The following SPSB4 variants were observed in gnomAD, a reference collection of about 807,000 sequenced individuals.
The protein encoded by SPSB4 is SPRY domain-containing SOCS box protein 4.
SPSB4 carries 21 observed loss-of-function variants against 20.9 expected under a neutral mutation model. The observed-to-expected ratio is 1.01, with a 90% CI of 0.71 to 1.45. The LOEUF (loss-of-function observed/expected upper bound fraction) is 1.45, where lower values mean the gene tolerates loss of function less well. SPSB4 is among the 40% of genes most tolerant of loss of function. The pLI is 0.00. For synonymous variants in SPSB4, 207 were observed against 183.8 expected, an observed-to-expected ratio of 1.13 and a Z score of -1.02; for missense variants, 399 against 399.2, an observed-to-expected ratio of 1.00 and a Z score of 0.00.
At chr3:141,121,093 T>G (rs1452204624) in intron 2 of SPSB4, among the ~76,000 whole-genome samples, 1 of 151,534 alleles carries the variant, frequency 6.6e-6, no homozygotes, top group Non-Finnish European at 1.5e-5. Context: ...AGGAGCTCTT[T>G]TAGGGCAGGC....
chr3:141,145,225 TAA>T (rs573940987), intron 2 of SPSB4, among the ~76,000 whole-genome samples: 1 of 142,708 alleles, frequency 7.0e-6, no homozygotes, highest in African/African-American at 2.6e-5. Context: ...TACAAAAAAT[TAA>T]AAAAAAAAAA....
intron 2 of SPSB4, among the ~76,000 whole-genome samples, chr3:141,089,403 G>A (rs535076722): frequency 1.4e-4 from 22 of 152,348 alleles, no homozygotes; most frequent in Middle Eastern, 6.8e-3. Flanking sequence ...ACACAGAGGA[G>A]TCAGGGAGTG....
chr3:141,068,508 G>A (rs756778199), intron 2 of SPSB4, among the ~76,000 whole-genome samples: 16 of 152,190 alleles, frequency 1.1e-4, no homozygotes, highest in Non-Finnish European at 2.1e-4. Flanking sequence ...TAGAAGAGTG[G>A]CCTTGGTGTA....
intron 2 of SPSB4, among the ~76,000 whole-genome samples, chr3:141,106,774 T>C (rs1938696050): frequency 6.6e-6 from 1 of 152,212 alleles, no homozygotes; most frequent in South Asian, 2.1e-4. Flanking sequence ...AGTGGCACCT[T>C]AGGGGTGTCT....
rs1939446575 is a variant in SPSB4, at chr3:141,148,036, TGC to T, written c.*768_*769del. 1 of 152,660 alleles carries T rather than the reference TGC, an allele frequency of 6.6e-6. No individual in the cohort carries two copies. The highest frequency in any genetic ancestry group is 1.5e-5 in the Non-Finnish European group (1 of 68,106). The allele number at this position is 152,660 out of a possible 1,614,324, so 9.5% of individuals were successfully genotyped here. A position where few individuals can be genotyped will look rare whatever the true frequency, so the allele number is the denominator to read the frequency against. ...CCTTACCATTATTTTAAGTAGCATT[TGC>T]ATTTTAAAAGAGGAATGCGGAGAGG... On this transcript the variant is annotated 3_prime_UTR_variant, in exon 3 of 3. Transcript: ENST00000310546. This position sits in a 1 kb window ranked among gnomAD's most constrained non-coding sequence, Gnocchi z 4.5.
At chr3:141,122,013 T>A (rs781528762) in intron 2 of SPSB4, among the ~76,000 whole-genome samples, 3 of 152,232 alleles carry the variant, frequency 2.0e-5, no homozygotes, top group Non-Finnish European at 4.4e-5. Context: ...TTTGGAATTT[T>A]CAGCTTTTCT....
chr3:141,093,400 C>G (rs1938491967), intron 2 of SPSB4, among the ~76,000 whole-genome samples: 1 of 151,912 alleles, frequency 6.6e-6, no homozygotes, highest in Non-Finnish European at 1.5e-5. Flanking sequence ...TCAGAGGGGT[C>G]ACATAACTTT....
intron 1 of SPSB4, among the ~76,000 whole-genome samples, chr3:141,056,380 G>T (rs1223137163): frequency 6.6e-6 from 1 of 152,138 alleles, no homozygotes; most frequent in Non-Finnish European, 1.5e-5. Context: ...GGCTGGAGCA[G>T]CTCCCTCCCC....
At position 141,121,146 on chromosome 3, in the gene SPSB4, T is replaced by G. The variant is rs997028462; in HGVS notation, c.695-25996T>G. ...TCTCAGCATTTGCTTGTCTGTGAAG[T>G]ATTTTATTTCTCCTTCACTTATGAA... On this transcript the variant is annotated intron_variant, in intron 2 of 2. Transcript: ENST00000310546. Among the ~76,000 whole-genome samples the G allele has an allele frequency of 7.9e-5, 12 of 152,162 alleles. No homozygotes were observed. In the South Asian group the frequency reaches 2.5e-3, roughly 32 times the overall value.
chr3:141,059,184 C>G (rs1288425461), intron 1 of SPSB4, among the ~76,000 whole-genome samples: 1 of 152,164 alleles, frequency 6.6e-6, no homozygotes, highest in East Asian at 1.9e-4. Flanking sequence ...AGGAGGCCTA[C>G]TGGATCAGGG....
chr3:141,147,015 A>C, intron 2 of SPSB4, 127 bp from the exon 3 acceptor site: 5 of 1,281,316 alleles, frequency 3.9e-6, no homozygotes, highest in Non-Finnish European at 5.4e-6. Flanking sequence ...ATCTTCTCCA[A>C]GGAGAAGCCA....
At chr3:141,129,570 T>C (rs1939103264) in intron 2 of SPSB4, among the ~76,000 whole-genome samples, 1 of 152,202 alleles carries the variant, frequency 6.6e-6, no homozygotes, top group African/African-American at 2.4e-5. Flanking sequence ...CCAGCACTCT[T>C]ATCCTGTCCC....
intron 2 of SPSB4, among the ~76,000 whole-genome samples, chr3:141,118,094 G>C (rs1355824807): frequency 2.6e-5 from 4 of 152,190 alleles, no homozygotes; most frequent in Non-Finnish European, 4.4e-5. Context: ...CTTCCACAAT[G>C]GTTGAACTAA....
intron 2 of SPSB4, among the ~76,000 whole-genome samples, chr3:141,105,265 T>C (rs774463980): frequency 2.0e-4 from 31 of 152,190 alleles, no homozygotes; most frequent in Non-Finnish European, 2.4e-4. Flanking sequence ...CACACTGAAG[T>C]TGAAAAGCAT....
chr3:141,135,078 C>G (rs1017250446), intron 2 of SPSB4, among the ~76,000 whole-genome samples: 1 of 151,940 alleles, frequency 6.6e-6, no homozygotes, highest in South Asian at 2.1e-4. Context: ...ACCAACAACC[C>G]CAGCCCCACC....
intron 2 of SPSB4, among the ~76,000 whole-genome samples, chr3:141,068,383 C>A (rs1937930467): frequency 6.6e-6 from 1 of 152,162 alleles, no homozygotes; most frequent in Non-Finnish European, 1.5e-5. Flanking sequence ...GTGTCTGGAG[C>A]CTTCTGAGAC....
rs576196954 is a variant in SPSB4 at position 141,138,833 on chromosome 3, T to C, written c.695-8309T>C. Among the ~76,000 whole-genome samples the C allele has an allele frequency of 5.3e-5, 8 of 152,354 alleles. No individual in the cohort carries two copies. In the South Asian group the frequency reaches 6.2e-4, roughly 12 times the overall value. On this transcript the variant is annotated intron_variant, in intron 2 of 2. Transcript: ENST00000310546. ...TCTGTTGATTTGGGGTGGAGAGTTC[T>C]GTAGATGTCTATTAGGTCCGCTTGG...
chr3:141,082,284 G>A (rs1938247439), intron 2 of SPSB4, among the ~76,000 whole-genome samples: 1 of 152,232 alleles, frequency 6.6e-6, no homozygotes, highest in Non-Finnish European at 1.5e-5. Flanking sequence ...AGTGCGCCTG[G>A]CAGGAGGTAG....
chr3:141,101,635 G>A (rs937162419), intron 2 of SPSB4, among the ~76,000 whole-genome samples: 2 of 152,256 alleles, frequency 1.3e-5, no homozygotes, highest in East Asian at 3.9e-4. Flanking sequence ...TGCCCAGGAC[G>A]GTGCTGGCAC....
Sources: gnomAD v4.1 joint callset for allele counts (sites outside exome capture counted in the v4.1 genomes callset) on GRCh38, gnomAD v4.1.1 for gene constraint, Gnocchi (gnomAD v3.1) non-coding constraint, MANE v1.5 for transcripts, NCBI Gene and HGNC (gene_info 2026-07-23, HGNC 2026-07-21) for gene names.